Variants in CSMD1 observed in about 807,000 individuals in gnomAD.
CSMD1 encodes the protein CUB and sushi domain-containing protein 1.
A neutral mutation model predicts 417.5 loss-of-function variants in CSMD1; 213 were observed. The ratio of observed to expected loss-of-function variants is 0.51; its 90% confidence interval spans 0.46 to 0.57. The LOEUF (loss-of-function observed/expected upper bound fraction) is 0.57. Among genes scored for constraint, CSMD1 ranks in the 20% least tolerant of loss-of-function variants. The pLI is 0.00. For synonymous variants in CSMD1, 2,862 were observed against 1,736.8 expected (o/e 1.65, Z -16.11); for missense variants, 6,923 against 4,529.7 (o/e 1.53, Z -15.17).
chr8:3,006,503 C>A (rs1313419008), intron 52 of CSMD1, among the ~76,000 whole-genome samples: 1 of 152,112 alleles, frequency 6.6e-6, no homozygotes, highest in African/African-American at 2.4e-5. Context: ...GGAGGTATCA[C>A]ACTACCTGAC....
chr8:4,063,146 A>C (rs77891957), intron 3 of CSMD1, among the ~76,000 whole-genome samples: 35,137 of 151,906 alleles, frequency 0.23, 4,751 homozygotes, highest in East Asian at 0.63. Flanking sequence ...CAAAATGCCT[A>C]GAAGATTTGG....
chr8:3,875,188 G>T (rs1387323935), intron 5 of CSMD1, among the ~76,000 whole-genome samples: 9 of 152,156 alleles, frequency 5.9e-5, no homozygotes, highest in Admixed American at 2.6e-4. Flanking sequence ...CAGTGGGGAA[G>T]GAGTGGAACA....
At chr8:4,198,388 C>G (rs1213900368) in intron 3 of CSMD1, among the ~76,000 whole-genome samples, 1 of 152,182 alleles carries the variant, frequency 6.6e-6, no homozygotes, top group East Asian at 1.9e-4. Flanking sequence ...CTGTGATGGA[C>G]AGAGACTTTT....
intron 50 of CSMD1, among the ~76,000 whole-genome samples, chr8:3,036,408 G>C (rs11774587): frequency 0.22 from 32,980 of 152,070 alleles, 4,068 homozygotes; most frequent in Non-Finnish European, 0.28. Context: ...TAACAGAGAA[G>C]TCTCCCCTAT....
At chr8:3,975,297 T>G (rs981411849) in intron 5 of CSMD1, among the ~76,000 whole-genome samples, 28 of 152,196 alleles carry the variant, frequency 1.8e-4, no homozygotes, top group African/African-American at 6.5e-4. Context: ...TTTATACCTT[T>G]TTTACACAAA....
chr8:3,728,769 C>A (rs980907720), intron 6 of CSMD1, among the ~76,000 whole-genome samples: 5 of 152,186 alleles, frequency 3.3e-5, no homozygotes, highest in African/African-American at 9.7e-5. Context: ...ATTAATACAT[C>A]TCAAATGTCA....
At chr8:4,444,907 G>A (rs114340755) in intron 2 of CSMD1, among the ~76,000 whole-genome samples, 2,247 of 152,220 alleles carry the variant, frequency 0.015, 76 homozygotes, top group African/African-American at 0.051. Context: ...CCTTGTCCAG[G>A]TCTTACATAT....
intron 3 of CSMD1, among the ~76,000 whole-genome samples, chr8:4,246,012 TA>T (rs773431389): frequency 5.3e-5 from 8 of 152,180 alleles, no homozygotes; most frequent in African/African-American, 7.2e-5. Context: ...CTAGGTCAGT[TA>T]TTTGTTGTTG....
chr8:4,066,497 T>G (rs1462963809), intron 3 of CSMD1, among the ~76,000 whole-genome samples: 1 of 152,192 alleles, frequency 6.6e-6, no homozygotes, highest in Non-Finnish European at 1.5e-5. Flanking sequence ...TCTATTGACT[T>G]GATAGAAAAC....
At chr8:4,158,723 A>T (rs1292273505) in intron 3 of CSMD1, among the ~76,000 whole-genome samples, 1 of 152,090 alleles carries the variant, frequency 6.6e-6, no homozygotes, top group Non-Finnish European at 1.5e-5. Context: ...AGTCCTTATC[A>T]CAACCCCATG....
chr8:3,847,328 C>G (rs185431813), intron 5 of CSMD1, among the ~76,000 whole-genome samples: 1 of 151,998 alleles, frequency 6.6e-6, no homozygotes, highest in Admixed American at 6.6e-5. Context: ...TTAGAGGAAC[C>G]CTTAAAAGTG....
At chr8:3,803,493 A>G (rs74739800) in intron 5 of CSMD1, among the ~76,000 whole-genome samples, 4,815 of 152,292 alleles carry the variant, frequency 0.032, 183 homozygotes, top group African/African-American at 0.086. Context: ...GCTGAATAAC[A>G]AGAAGAGCCC....
At chr8:4,650,627 G>A (rs1194434160) in intron 1 of CSMD1, among the ~76,000 whole-genome samples, 1 of 151,212 alleles carries the variant, frequency 6.6e-6, no homozygotes, top group Non-Finnish European at 1.5e-5. Flanking sequence ...AAAAGGAAGT[G>A]ACAGCCTTTC....
chr8:4,554,767 G>A (rs192115276), intron 2 of CSMD1, among the ~76,000 whole-genome samples: 158 of 152,300 alleles, frequency 1.0e-3, no homozygotes, highest in African/African-American at 3.0e-3. Context: ...CTAGTCATTG[G>A]CCAGGGAAAC....
intron 5 of CSMD1, among the ~76,000 whole-genome samples, chr8:3,827,180 G>A (rs1332586123): frequency 6.6e-6 from 1 of 152,064 alleles, no homozygotes; most frequent in Non-Finnish European, 1.5e-5. Context: ...ATGTTCTTGA[G>A]GTATTACATA....
At chr8:4,872,603 C>T (rs1019957466) in intron 1 of CSMD1, among the ~76,000 whole-genome samples, 1 of 152,058 alleles carries the variant, frequency 6.6e-6, no homozygotes, top group African/African-American at 2.4e-5. Context: ...ATAAATTACC[C>T]AGTCTCAGGC....
At chr8:3,015,503 A>T (rs1268527898) in intron 52 of CSMD1, among the ~76,000 whole-genome samples, 2 of 151,950 alleles carry the variant, frequency 1.3e-5, no homozygotes, top group Non-Finnish European at 2.9e-5. Context: ...ATATATATAT[A>T]TTTTGATTCA....
At chr8:4,269,844 C>T (rs1804463933) in intron 3 of CSMD1, among the ~76,000 whole-genome samples, 1 of 152,100 alleles carries the variant, frequency 6.6e-6, no homozygotes. Context: ...TCTATCCTTC[C>T]CCTACAAAAT....
intron 50 of CSMD1, among the ~76,000 whole-genome samples, chr8:3,034,304 A>T (rs1013272777): frequency 1.3e-5 from 2 of 152,182 alleles, no homozygotes; most frequent in Admixed American, 6.5e-5. Flanking sequence ...GGTTTTCTAT[A>T]TATTACTAAT....
Sources: gnomAD v4.1 joint callset for allele counts (sites outside exome capture counted in the v4.1 genomes callset) on GRCh38, gnomAD v4.1.1 for gene constraint, MANE v1.5 for transcripts, NCBI Gene and HGNC (gene_info 2026-07-23, HGNC 2026-07-21) for gene names.